SH3PXD2A: variants seen among roughly 807,000 people sequenced by gnomAD.
The protein encoded by SH3PXD2A is SH3 and PX domain-containing protein 2A.
In SH3PXD2A, 32 loss-of-function variants were observed where a neutral mutation model predicts 115.2. The observed-to-expected ratio is 0.28, with a 90% CI of 0.21 to 0.37. The LOEUF (loss-of-function observed/expected upper bound fraction) is 0.37. Among genes scored for constraint, SH3PXD2A ranks in the 10% least tolerant of loss-of-function variants. SH3PXD2A has a pLI of 1.00. For synonymous variants in SH3PXD2A, 610 were observed against 629.1 expected (o/e 0.97, Z 0.45); for missense variants, 1,328 against 1,498.7 (o/e 0.89, Z 1.88).
intron 3 of SH3PXD2A, among the ~76,000 whole-genome samples, chr10:103,743,353 G>C (rs752810823): frequency 6.6e-6 from 1 of 152,022 alleles, no homozygotes; most frequent in Admixed American, 6.6e-5. Context: ...ACTGAGGCTC[G>C]GTGATCCAAG....
chr10:103,700,024 C>G (rs1400244816), intron 5 of SH3PXD2A, among the ~76,000 whole-genome samples: 1 of 152,244 alleles, frequency 6.6e-6, no homozygotes, highest in Non-Finnish European at 1.5e-5. Context: ...GTCTCCTGAA[C>G]ATCCCAGAGG....
intron 2 of SH3PXD2A, among the ~76,000 whole-genome samples, chr10:103,777,007 C>T (rs1170425557): frequency 6.6e-6 from 1 of 152,230 alleles, no homozygotes; most frequent in Non-Finnish European, 1.5e-5. Context: ...GAGTCTCTTC[C>T]TGAATCACAG....
Position 103,600,379 on chromosome 10 carries a change from A to C in SH3PXD2A, c.*1437T>G, listed in dbSNP as rs2036198020. On this transcript the variant is annotated 3_prime_UTR_variant, in exon 15 of 15. Transcript: ENST00000369774. Reference sequence around the variant, plus strand: ...CGGGAAGACCAGGTTGGCTCCTGGCACAGGGATCCTCCATCTTCTTGGGCA... The same window carrying C: ...CGGGAAGACCAGGTTGGCTCCTGGCCCAGGGATCCTCCATCTTCTTGGGCA... 1 of 152,306 alleles carries C rather than the reference A, an allele frequency of 6.6e-6. No individual in the cohort carries two copies. The highest frequency in any genetic ancestry group is 2.4e-5 in the African/African-American group (1 of 41,458). 9.4% of individuals were successfully genotyped at this position (152,306 alleles called of 1,614,324 possible). A position where few individuals can be genotyped will look rare whatever the true frequency, so the allele number is the denominator to read the frequency against.
chr10:103,716,405 T>A (rs957386897), intron 5 of SH3PXD2A, among the ~76,000 whole-genome samples: 3 of 152,104 alleles, frequency 2.0e-5, no homozygotes, highest in Admixed American at 6.5e-5. Flanking sequence ...CTCGGAACAT[T>A]GGGGCATTGT....
intron 3 of SH3PXD2A, among the ~76,000 whole-genome samples, chr10:103,736,310 G>A (rs1589435157): frequency 6.6e-6 from 1 of 152,242 alleles, no homozygotes; most frequent in Non-Finnish European, 1.5e-5. Flanking sequence ...AAGCATGGCT[G>A]TCCCAGCCTG....
intron 1 of SH3PXD2A, among the ~76,000 whole-genome samples, chr10:103,825,728 G>A (rs1423727017): frequency 1.3e-5 from 2 of 151,892 alleles, no homozygotes; most frequent in Non-Finnish European, 2.9e-5. Context: ...CTGAGAACAG[G>A]GTGCTCCTGG....
In SH3PXD2A at chr10:103,757,004, T is replaced by A. The variant is rs565510491; in HGVS notation, c.229+10090A>T. Reference sequence around the variant, plus strand: ...CTTGCCCTCTCACCTCTATCAACCCTGGTCTCAGTAACCATCCAGTCTGCC... The same window carrying A: ...CTTGCCCTCTCACCTCTATCAACCCAGGTCTCAGTAACCATCCAGTCTGCC... On this transcript the variant is annotated intron_variant, in intron 3 of 14. Coordinates refer to ENST00000369774, the MANE Select transcript of SH3PXD2A (RefSeq NM_001394015.1). Among the ~76,000 whole-genome samples, 3 of 152,288 alleles carry A rather than the reference T, an allele frequency of 2.0e-5. No individual in the cohort carries two copies. In the East Asian group the frequency reaches 5.8e-4, roughly 29 times the overall value.
intron 1 of SH3PXD2A, among the ~76,000 whole-genome samples, chr10:103,815,931 C>A (rs537619611): frequency 5.3e-5 from 8 of 151,836 alleles, no homozygotes; most frequent in African/African-American, 1.7e-4. Context: ...ACTGTATAAT[C>A]TCATATATGG....
At chr10:103,801,911 C>T (rs1005311220) in intron 1 of SH3PXD2A, among the ~76,000 whole-genome samples, 2 of 152,180 alleles carry the variant, frequency 1.3e-5, no homozygotes, top group Non-Finnish European at 2.9e-5. Flanking sequence ...GCCATGTTGG[C>T]CAGGCTGGTC....
chr10:103,765,455 A>G (rs986131082), intron 3 of SH3PXD2A, among the ~76,000 whole-genome samples: 3 of 152,188 alleles, frequency 2.0e-5, no homozygotes, highest in Non-Finnish European at 2.9e-5. Flanking sequence ...CACTAGCCTG[A>G]GCGTTCCGTA....
chr10:103,669,733 C>A (rs2037432823), intron 6 of SH3PXD2A, among the ~76,000 whole-genome samples: 1 of 152,234 alleles, frequency 6.6e-6, no homozygotes, highest in Non-Finnish European at 1.5e-5. Flanking sequence ...GCAGTGGGGA[C>A]AATTAAAAGG....
At chr10:103,622,630 T>TGGGGGTG in intron 9 of SH3PXD2A, 77 bp from the exon 10 acceptor site, 2 of 481,380 alleles carry the variant, frequency 4.2e-6, no homozygotes, top group East Asian at 5.2e-5. Flanking sequence ...TGAGATGGGA[T>TGGGGGTG]GGGGGTGGGA....
At chr10:103,811,759 C>T (rs565992359) in intron 1 of SH3PXD2A, among the ~76,000 whole-genome samples, 15 of 152,274 alleles carry the variant, frequency 9.9e-5, no homozygotes, top group African/African-American at 3.1e-4. Context: ...GGGATCCTTG[C>T]GGGGATCAGC....
At chr10:103,622,910 T>C (rs1293701439) in intron 9 of SH3PXD2A, among the ~76,000 whole-genome samples, 3 of 152,138 alleles carry the variant, frequency 2.0e-5, no homozygotes, top group Non-Finnish European at 4.4e-5. Context: ...GTGAGATCAG[T>C]GTCCCTCACT....
intron 5 of SH3PXD2A, among the ~76,000 whole-genome samples, chr10:103,718,905 A>T (rs1327373039): frequency 6.6e-6 from 1 of 152,160 alleles, no homozygotes; most frequent in Admixed American, 6.5e-5. Context: ...GCCCAAGGTG[A>T]TATAGTAGGA....
intron 1 of SH3PXD2A, among the ~76,000 whole-genome samples, chr10:103,809,969 A>G (rs1193614286): frequency 6.6e-6 from 1 of 152,088 alleles, no homozygotes; most frequent in Non-Finnish European, 1.5e-5. Context: ...GATTACAGGC[A>G]TGAGCCACCT....
intron 13 of SH3PXD2A, among the ~76,000 whole-genome samples, chr10:103,606,765 G>A (rs1474828945): frequency 2.6e-5 from 4 of 152,190 alleles, no homozygotes; most frequent in African/African-American, 7.2e-5. Context: ...CCGAGGTGCC[G>A]GGATTGCAGA....
chr10:103,616,997 G>A (rs1360124776), intron 11 of SH3PXD2A, among the ~76,000 whole-genome samples, 200 bp downstream of exon 11: 2 of 152,278 alleles, frequency 1.3e-5, no homozygotes, highest in Admixed American at 6.5e-5. Context: ...TCTGCTTTAC[G>A]CGTCCCGGGA....
At position 103,740,641 on chromosome 10, in the gene SH3PXD2A, G is replaced by T. The variant is rs185544725; in HGVS notation, c.230-4833C>A. Among the ~76,000 whole-genome samples the T allele has an allele frequency of 2.4e-3, 361 of 152,282 alleles. 2 individuals are homozygous for T. Among genetic ancestry groups the T allele is most frequent in the Non-Finnish European group, 4.0e-3 (269 of 68,026 alleles). ...ACTGATTATAGGAGCCGTAAGAGAGGGCTGGCCTCGGGACCTCTTCTGGTC... is the reference window on the plus strand; with the variant it reads ...ACTGATTATAGGAGCCGTAAGAGAGTGCTGGCCTCGGGACCTCTTCTGGTC... On this transcript the variant is annotated intron_variant, in intron 3 of 14. Coordinates refer to ENST00000369774, the MANE Select transcript of SH3PXD2A (RefSeq NM_001394015.1).
Sources: gnomAD v4.1 joint callset for allele counts (sites outside exome capture counted in the v4.1 genomes callset) on GRCh38, gnomAD v4.1.1 for gene constraint, MANE v1.5 for transcripts, NCBI Gene and HGNC (gene_info 2026-07-23, HGNC 2026-07-21) for gene names.